PTPRD: variants seen among roughly 807,000 people sequenced by gnomAD.
PTPRD encodes the protein protein tyrosine phosphatase receptor type D.
Under a neutral mutation model 214.5 loss-of-function variants are expected in PTPRD, and 34 were observed. The observed-to-expected ratio is 0.16, with a 90% CI of 0.12 to 0.21. PTPRD has a LOEUF of 0.21. Ranked by LOEUF, PTPRD falls within the 10% of genes least tolerant of loss-of-function variation. The pLI is 1.00. For missense variants in PTPRD, 2,545 were observed against 2,398.7 expected, an observed-to-expected ratio of 1.06 and a Z score of -1.27; for synonymous variants, 1,128 against 845.7, an observed-to-expected ratio of 1.33 and a Z score of -5.79.
intron 5 of PTPRD, among the ~76,000 whole-genome samples, chr9:9,784,483 T>C (rs2098900502): frequency 6.6e-6 from 1 of 152,088 alleles, no homozygotes; most frequent in South Asian, 2.1e-4. Context: ...GAACTACAAC[T>C]TATTTTACTA....
chr9:9,635,466 C>A (rs2095734258), intron 7 of PTPRD, among the ~76,000 whole-genome samples: 1 of 152,198 alleles, frequency 6.6e-6, no homozygotes, highest in African/African-American at 2.4e-5. Context: ...AATGATTTCA[C>A]ATGGACCAAG....
chr9:8,728,164 C>T (rs2098607582), intron 12 of PTPRD, among the ~76,000 whole-genome samples: 1 of 152,046 alleles, frequency 6.6e-6, no homozygotes, highest in Admixed American at 6.5e-5. Flanking sequence ...GCAGGAGAAT[C>T]GCTTGAACCG....
intron 7 of PTPRD, among the ~76,000 whole-genome samples, chr9:9,611,056 T>C (rs2094486486): frequency 6.6e-6 from 1 of 152,214 alleles, no homozygotes; most frequent in Admixed American, 6.5e-5. Context: ...TTCTCTCTTT[T>C]AACATCATAT....
At chr9:9,281,326 G>A (rs983609511) in intron 9 of PTPRD, among the ~76,000 whole-genome samples, 13 of 151,144 alleles carry the variant, frequency 8.6e-5, no homozygotes, top group African/African-American at 2.7e-4. Context: ...CACAAACTGG[G>A]AGAAAACATT....
At chr9:9,135,387 T>TAAAACAGATAAA (rs2099849275) in intron 10 of PTPRD, among the ~76,000 whole-genome samples, 1 of 152,190 alleles carries the variant, frequency 6.6e-6, no homozygotes, top group African/African-American at 2.4e-5. Flanking sequence ...ATTTTTTGAA[T>TAAAACAGATAAA]AAAACAGCCC....
At chr9:10,019,157 C>A (rs1327004134) in intron 4 of PTPRD, among the ~76,000 whole-genome samples, 1 of 152,110 alleles carries the variant, frequency 6.6e-6, no homozygotes, top group Non-Finnish European at 1.5e-5. Flanking sequence ...ATTTATTCAG[C>A]CAAAAGACAC....
At chr9:8,946,010 C>A (rs773844264) in intron 11 of PTPRD, among the ~76,000 whole-genome samples, 9 of 152,118 alleles carry the variant, frequency 5.9e-5, no homozygotes, top group Non-Finnish European at 1.0e-4. Context: ...CCTCCTAAGC[C>A]ATGTTACTCT....
chr9:10,552,166 G>T (rs1244047229), intron 2 of PTPRD, among the ~76,000 whole-genome samples: 1 of 152,124 alleles, frequency 6.6e-6, no homozygotes, highest in African/African-American at 2.4e-5. Flanking sequence ...ACTGTTAATG[G>T]AGTTTTGAGG....
At chr9:9,916,642 C>A (rs2080905534) in intron 5 of PTPRD, among the ~76,000 whole-genome samples, 1 of 151,728 alleles carries the variant, frequency 6.6e-6, no homozygotes, top group Non-Finnish European at 1.5e-5. Flanking sequence ...TCTGTGCAAA[C>A]AGAAACCAAA....
chr9:9,748,515 C>T (rs2098481338), intron 6 of PTPRD, among the ~76,000 whole-genome samples: 1 of 152,126 alleles, frequency 6.6e-6, no homozygotes, highest in Non-Finnish European at 1.5e-5. Flanking sequence ...AACAACACAT[C>T]GTAAGGGATA....
chr9:8,890,696 T>G (rs2098531508), intron 11 of PTPRD, among the ~76,000 whole-genome samples: 1 of 152,230 alleles, frequency 6.6e-6, no homozygotes, highest in Non-Finnish European at 1.5e-5. Flanking sequence ...TTTCTCTCCT[T>G]TGAGAGAGTC....
At chr9:8,532,339 T>C (rs547370985) in intron 14 of PTPRD, among the ~76,000 whole-genome samples, 2 of 152,184 alleles carry the variant, frequency 1.3e-5, no homozygotes, top group South Asian at 4.1e-4. Flanking sequence ...TAGAAGACGT[T>C]AATTGCTTTT....
intron 3 of PTPRD, among the ~76,000 whole-genome samples, chr9:10,125,729 G>T (rs10958894): frequency 0.17 from 24,981 of 151,358 alleles, 2,367 homozygotes; most frequent in South Asian, 0.27. Context: ...GGATCCGCTC[G>T]CCTCAGCCTC....
At chr9:10,351,053 G>C (rs1039951071) in intron 2 of PTPRD, among the ~76,000 whole-genome samples, 5 of 152,028 alleles carry the variant, frequency 3.3e-5, no homozygotes, top group African/African-American at 1.2e-4. Context: ...ATACACAAAA[G>C]GAGGTTCACT....
intron 6 of PTPRD, among the ~76,000 whole-genome samples, chr9:9,744,378 G>A (rs921505674): frequency 6.6e-6 from 1 of 152,092 alleles, no homozygotes; most frequent in Non-Finnish European, 1.5e-5. Flanking sequence ...GTTGAGGACT[G>A]CATATATTGT....
chr9:8,710,710 A>G (rs2098314252), intron 12 of PTPRD, among the ~76,000 whole-genome samples: 1 of 152,204 alleles, frequency 6.6e-6, no homozygotes, highest in Non-Finnish European at 1.5e-5. Flanking sequence ...TTATGTCAGA[A>G]TTAACAATTA....
chr9:8,510,998 A>G (rs1303898846), intron 21 of PTPRD, among the ~76,000 whole-genome samples: 1 of 151,998 alleles, frequency 6.6e-6, no homozygotes, highest in Non-Finnish European at 1.5e-5. Flanking sequence ...CATTTCTATT[A>G]ATGTTTTCTC....
intron 2 of PTPRD, among the ~76,000 whole-genome samples, chr9:10,377,714 G>T (rs1207632902): frequency 6.6e-6 from 1 of 151,996 alleles, no homozygotes; most frequent in Non-Finnish European, 1.5e-5. Context: ...TGCTGGAGAG[G>T]ATATGGAGAA....
At chr9:9,829,619 G>T (rs988195567) in intron 5 of PTPRD, among the ~76,000 whole-genome samples, 2 of 151,822 alleles carry the variant, frequency 1.3e-5, no homozygotes, top group African/African-American at 4.8e-5. Flanking sequence ...AATGTGACAT[G>T]TTTTTCCATA....
Sources: gnomAD v4.1 joint callset for allele counts (sites outside exome capture counted in the v4.1 genomes callset) on GRCh38, gnomAD v4.1.1 for gene constraint, MANE v1.5 for transcripts, NCBI Gene and HGNC (gene_info 2026-07-23, HGNC 2026-07-21) for gene names.